Variants in COL4A4 observed in about 807,000 individuals in gnomAD.
COL4A4 encodes collagen type IV alpha 4 chain, also known as collagen alpha-4(IV) chain.
In COL4A4, 105 loss-of-function variants were observed where a neutral mutation model predicts 192.9. The observed-to-expected ratio is 0.54, with a 90% CI of 0.46 to 0.64. COL4A4 has a LOEUF of 0.64. Among genes scored for constraint, COL4A4 ranks in the 30% least tolerant of loss-of-function variants. The pLI, the probability that COL4A4 is intolerant of heterozygous loss-of-function variation, is 0.00. For synonymous variants in COL4A4, 762 were observed against 769.9 expected (o/e 0.99, Z 0.17); for missense variants, 1,967 against 2,169.3 (o/e 0.91, Z 1.85).
the COL4A4 span, among the ~76,000 whole-genome samples, chr2:226,994,438 C>T: frequency 6.6e-6 from 1 of 152,148 alleles, no homozygotes; most frequent in Non-Finnish European, 1.5e-5. Context: ...AGAGTTCTTC[C>T]ATTGGTTCTA....
chr2:227,060,101 G>GAAACAA, intron 27 of COL4A4, 35 bp downstream of exon 27: 2 of 503,760 alleles, frequency 4.0e-6, no homozygotes, highest in Non-Finnish European at 6.3e-6. Context: ...TCCCAAAGCA[G>GAAACAA]AAAAAAAAAA....
In COL4A4 at chr2:227,005,423, A is replaced by T. The variant is rs1961888998; in HGVS notation, c.*1902T>A. ...AGATAAAGCTTTTTGGGAAGGAGAA[A>T]GGTAATCACAAATAAGATTGAAATT... On this transcript the variant is annotated 3_prime_UTR_variant, in exon 48 of 48. Coordinates refer to ENST00000396625, the MANE Select transcript of COL4A4 (RefSeq NM_000092.5). 1 of 152,182 alleles carries T rather than the reference A, an allele frequency of 6.6e-6. No homozygotes were observed. The highest frequency in any genetic ancestry group is 2.4e-5 in the African/African-American group (1 of 41,438). The allele number at this position is 152,182 out of a possible 1,614,324, so 9.4% of individuals were successfully genotyped here.
intron 31 of COL4A4, among the ~76,000 whole-genome samples, chr2:227,054,277 G>A (rs1974833674): frequency 6.6e-6 from 1 of 152,144 alleles, no homozygotes; most frequent in Non-Finnish European, 1.5e-5. Flanking sequence ...CTGAAACAGA[G>A]GTTGGAGAAC....
At position 227,008,066 on chromosome 2, in the gene COL4A4, T is replaced by C. The variant is rs1575694715; in HGVS notation, c.4761A>G (p.Pro1587=). The change falls in exon 47 of 48, where the codon CCA becomes CCG. Residue 1587 remains proline (P), a synonymous_variant. Coordinates refer to ENST00000396625, the MANE Select transcript of COL4A4 (RefSeq NM_000092.5). Reference sequence around the variant, plus strand: ...AGAGGCTCCTCCAGGTCTGCGGACATGGGGGGATGGACTGGTCCTGGCTGT... The same window carrying C: ...AGAGGCTCCTCCAGGTCTGCGGACACGGGGGGATGGACTGGTCCTGGCTGT... The part of the protein sequence containing the change: ...AVHSQDQSIP[P]CPQTWRSLWI... 6.2e-7 allele frequency: 1 copy of C among 1,613,904 alleles called. No homozygotes were observed. The highest frequency in any genetic ancestry group is 8.5e-7 in the Non-Finnish European group (1 of 1,179,978).
chr2:227,105,918 T>C (rs1218148291), intron 12 of COL4A4, among the ~76,000 whole-genome samples: 1 of 152,132 alleles, frequency 6.6e-6, no homozygotes, highest in East Asian at 1.9e-4. Flanking sequence ...TATTCTTCCA[T>C]TGAATAGATA....
Position 227,030,413 on chromosome 2 carries a change from A to T in COL4A4, c.3973+30T>A, listed in dbSNP as rs1000139419. ...CAAGGGTAAGATAACCAAGTTATTC[A>T]CATATTACTTAACGGAACAACATTC... is the stretch of plus-strand genomic sequence containing the variant. On this transcript the variant is annotated intron_variant, in intron 41 of 47. Coordinates refer to ENST00000396625, the MANE Select transcript of COL4A4 (RefSeq NM_000092.5). 7 of 1,611,950 alleles carry T rather than the reference A, an allele frequency of 4.3e-6. No individual in the cohort carries two copies. In the Admixed American group the frequency reaches 1.2e-4, roughly 27 times the overall value.
intron 1 of COL4A4, among the ~76,000 whole-genome samples, chr2:227,161,249 T>G (rs572164751): frequency 2.0e-5 from 3 of 152,216 alleles, no homozygotes; most frequent in African/African-American, 7.2e-5. Flanking sequence ...GGGGCTTACA[T>G]TGAAATGTAG....
intron 21 of COL4A4, among the ~76,000 whole-genome samples, chr2:227,089,116 G>A (rs866306040): frequency 2.0e-5 from 3 of 151,642 alleles, no homozygotes; most frequent in Admixed American, 1.3e-4. Flanking sequence ...CTGAAGAAAC[G>A]TTAAAAATAA....
At chr2:227,101,588 A>AG (rs1230204349) in intron 16 of COL4A4, 31 bp from the exon 17 acceptor site, 12 of 1,601,500 alleles carry the variant, frequency 7.5e-6, no homozygotes, top group Non-Finnish European at 1.0e-5. Flanking sequence ...GCCTTAAAAA[A>AG]AAAAAGTGAC....
At chr2:226,988,229 G>A in the COL4A4 span, 1 of 1,039,530 alleles carries the variant, frequency 9.6e-7, no homozygotes, top group Non-Finnish European at 1.4e-6. Flanking sequence ...AGATCAAGAA[G>A]CAAGAGGTTG....
intron 25 of COL4A4, among the ~76,000 whole-genome samples, chr2:227,076,804 C>T (rs1159048138): frequency 1.3e-5 from 2 of 152,096 alleles, no homozygotes; most frequent in African/African-American, 2.4e-5. Flanking sequence ...AAAAAACCAA[C>T]CCCTTCAAAA....
chr2:227,153,770 T>C (rs1254377870), intron 1 of COL4A4, among the ~76,000 whole-genome samples: 1 of 151,864 alleles, frequency 6.6e-6, no homozygotes, highest in African/African-American at 2.4e-5. Context: ...ATAGAGAAAA[T>C]GGACACACTG....
chr2:227,007,289 T>C lies in COL4A4; in HGVS notation c.*36A>G, dbSNP rs1048099690. 6.2e-7 allele frequency: 1 copy of C among 1,614,072 alleles called. No homozygotes were observed. Among genetic ancestry groups the C allele is most frequent in the Non-Finnish European group, 8.5e-7 (1 of 1,179,998 alleles). On this transcript the variant is annotated 3_prime_UTR_variant, in exon 48 of 48. Coordinates refer to ENST00000396625, the MANE Select transcript of COL4A4 (RefSeq NM_000092.5). ...TAGGAAGTCTTAGCCCCCTAGGAAG[T>C]TTCTCTTGGCCACGTGTTGGTGAAT...
downstream of COL4A4, among the ~76,000 whole-genome samples, chr2:227,000,146 T>C (rs1042526731): frequency 2.6e-5 from 4 of 152,204 alleles, no homozygotes; most frequent in Non-Finnish European, 5.9e-5. Flanking sequence ...TTAATGGAAT[T>C]GAACAAGGTC....
rs896901315 is a variant in COL4A4 at position 227,094,242 on chromosome 2, G to A, written c.1252C>T (p.Leu418Phe). The A allele has an allele frequency of 7.4e-6, 12 of 1,613,734 alleles. No individual in the cohort carries two copies. The highest frequency in any genetic ancestry group is 1.7e-4 in the Middle Eastern group (1 of 6,008). ...CCAGGAATACCAGCTTCTCCTGGAA[G>A]CCCAGGAAGACCAGGAAATCCTTGT... ...GPQGFPGLPGLPGEAGIPGRP... is the reference protein window; with the variant it reads ...GPQGFPGLPGFPGEAGIPGRP... Residue 418 changes from leucine (L) to phenylalanine (F), a missense_variant, in exon 20 of 48, where the codon CTT becomes TTT. By Grantham distance (22) the Leu-to-Phe change is conservative. Transcript: ENST00000396625.
At chr2:227,026,268 C>T (rs900866021) in intron 42 of COL4A4, among the ~76,000 whole-genome samples, 1 of 151,968 alleles carries the variant, frequency 6.6e-6, no homozygotes, top group Non-Finnish European at 1.5e-5. Context: ...GAGGCCAAGG[C>T]GGGTGGATCA....
intron 44 of COL4A4, among the ~76,000 whole-genome samples, chr2:227,012,751 G>A (rs1964044740): frequency 6.6e-6 from 1 of 151,990 alleles, no homozygotes; most frequent in African/African-American, 2.4e-5. Flanking sequence ...TTTCATTTGG[G>A]GTCACGTTAA....
At chr2:227,050,183 C>A (rs758562336) in intron 33 of COL4A4, 52 bp from the exon 34 acceptor site, 1 of 1,474,998 alleles carries the variant, frequency 6.8e-7, no homozygotes, top group South Asian at 1.1e-5. Context: ...ATACAAATGG[C>A]ACATGCACAA....
At chr2:227,033,549 G>T (rs564676411) in intron 37 of COL4A4, 68 bp from the exon 38 acceptor site, 9 of 1,377,924 alleles carry the variant, frequency 6.5e-6, no homozygotes, top group Non-Finnish European at 8.2e-6. Context: ...AGCCACAAAC[G>T]CAGGCACTGC....
Sources: gnomAD v4.1 joint callset for allele counts (sites outside exome capture counted in the v4.1 genomes callset) on GRCh38, gnomAD v4.1.1 for gene constraint, MANE v1.5 for transcripts, NCBI Gene and HGNC (gene_info 2026-07-23, HGNC 2026-07-21) for gene names.